The following RHOBTB1 variants were observed in gnomAD, a reference collection of about 807,000 sequenced individuals.
The protein encoded by RHOBTB1 is rho-related BTB domain-containing protein 1.
In RHOBTB1, 40 loss-of-function variants were observed where a neutral mutation model predicts 71.6. That is an observed-to-expected ratio of 0.56 (90% CI 0.43 to 0.73). The LOEUF (loss-of-function observed/expected upper bound fraction) is 0.73. RHOBTB1 is among the 30% of genes least tolerant of loss of function. The pLI, the probability that RHOBTB1 is intolerant of heterozygous loss-of-function variation, is 0.00. For missense variants in RHOBTB1, 797 were observed against 894.0 expected (o/e 0.89, Z 1.38); for synonymous variants, 319 against 334.9 (o/e 0.95, Z 0.52).
intron 2 of RHOBTB1, among the ~76,000 whole-genome samples, chr10:60,982,433 C>G (rs1421467490): frequency 6.6e-6 from 1 of 152,136 alleles, no homozygotes; most frequent in African/African-American, 2.4e-5. Flanking sequence ...AGGCATTGTG[C>G]TCATTGCATA....
chr10:60,992,373 C>G (rs1344036690), intron 1 of RHOBTB1, among the ~76,000 whole-genome samples: 3 of 152,062 alleles, frequency 2.0e-5, no homozygotes, highest in Non-Finnish European at 4.4e-5. Flanking sequence ...ATTTTCGCTA[C>G]TGTATATATT....
chr10:60,969,439 G>A (rs1016400776), intron 2 of RHOBTB1, among the ~76,000 whole-genome samples: 2 of 152,042 alleles, frequency 1.3e-5, no homozygotes, highest in African/African-American at 4.8e-5. Context: ...GTATGTTCAG[G>A]GGAAAGTGAG....
Position 60,943,190 on chromosome 10 carries a change from T to G in RHOBTB1, c.-62+781A>C, listed in dbSNP as rs1350762826. 3.9e-5 allele frequency among the ~76,000 whole-genome samples: 6 copies of G among 152,366 alleles called. No homozygotes were observed. In the East Asian group the frequency reaches 1.2e-3, roughly 29 times the overall value. The stretch of plus-strand genomic sequence containing the variant: ...TCAAAACCCTGTGCTTGGCGCTCCC[T>G]TCTAACTTTCTGGCTTGTCCAAGTC... On this transcript the variant is annotated intron_variant, in intron 1 of 10. Coordinates refer to ENST00000337910, the MANE Select transcript of RHOBTB1 (RefSeq NM_014836.5).
intron 4 of RHOBTB1, among the ~76,000 whole-genome samples, chr10:60,900,041 C>T (rs2133050985): frequency 6.6e-6 from 1 of 152,232 alleles, no homozygotes; most frequent in Non-Finnish European, 1.5e-5. Context: ...TAGGAGCCTG[C>T]CTGTGGTGCC....
intron 1 of RHOBTB1, among the ~76,000 whole-genome samples, chr10:60,990,141 C>T (rs746882691): frequency 1.3e-5 from 2 of 151,986 alleles, no homozygotes; most frequent in Admixed American, 6.5e-5. Context: ...CGCCACCACG[C>T]CTGGATAATT....
chr10:60,969,369 C>T (rs2086076267), intron 2 of RHOBTB1, among the ~76,000 whole-genome samples: 1 of 152,074 alleles, frequency 6.6e-6, no homozygotes, highest in African/African-American at 2.4e-5. Flanking sequence ...TGAGCTGTTG[C>T]TAATTGTGCT....
intron 2 of RHOBTB1, among the ~76,000 whole-genome samples, chr10:60,926,621 G>GA (rs969972047): frequency 6.6e-6 from 1 of 151,954 alleles, no homozygotes; most frequent in Non-Finnish European, 1.5e-5. Flanking sequence ...CAGAATGAAG[G>GA]AAAAAAACAA....
intron 2 of RHOBTB1, among the ~76,000 whole-genome samples, chr10:60,984,848 C>T (rs752980682): frequency 1.3e-5 from 2 of 152,112 alleles, no homozygotes; most frequent in Non-Finnish European, 2.9e-5. Flanking sequence ...ATTTTAGACA[C>T]AGAATAAACA....
chr10:60,943,003 G>C (rs753537522), intron 1 of RHOBTB1, among the ~76,000 whole-genome samples: 2 of 152,142 alleles, frequency 1.3e-5, no homozygotes, highest in Non-Finnish European at 2.9e-5. Flanking sequence ...GCACAGGATG[G>C]GGAAGTTCAA....
chr10:60,959,750 A>G (rs2085717053), intron 2 of RHOBTB1, among the ~76,000 whole-genome samples: 1 of 152,166 alleles, frequency 6.6e-6, no homozygotes, highest in South Asian at 2.1e-4. Flanking sequence ...CTAAAAAATA[A>G]CTAGATGGGA....
At chr10:60,902,005 A>G (rs184630566) in intron 4 of RHOBTB1, among the ~76,000 whole-genome samples, 149 of 152,286 alleles carry the variant, frequency 9.8e-4, no homozygotes, top group Non-Finnish European at 1.9e-3. Flanking sequence ...CCAGGCATCA[A>G]TCAAGCCCTG....
intron 2 of RHOBTB1, among the ~76,000 whole-genome samples, chr10:60,952,777 T>C (rs2085458571): frequency 1.3e-5 from 2 of 152,128 alleles, no homozygotes; most frequent in Admixed American, 6.6e-5. Context: ...GTATTTTATA[T>C]ATCCAAAGTT....
intron 1 of RHOBTB1, among the ~76,000 whole-genome samples, chr10:60,993,285 T>A (rs1274052794): frequency 6.6e-6 from 1 of 152,156 alleles, no homozygotes; most frequent in Non-Finnish European, 1.5e-5. Flanking sequence ...ACGTTCAAAG[T>A]GCTAGTCATT....
intron 2 of RHOBTB1, among the ~76,000 whole-genome samples, chr10:60,971,667 A>C (rs1181308838): frequency 6.6e-6 from 1 of 152,188 alleles, no homozygotes; most frequent in Non-Finnish European, 1.5e-5. Context: ...ACCAAAAGCA[A>C]TGGCAACAAA....
At chr10:60,966,672 G>C (rs1193571904) in intron 2 of RHOBTB1, among the ~76,000 whole-genome samples, 5 of 150,230 alleles carry the variant, frequency 3.3e-5, no homozygotes, top group Non-Finnish European at 5.9e-5. Context: ...TTTTTTTTTG[G>C]TTCTTTTTTT....
In RHOBTB1 at chr10:60,869,740, C is replaced by G. The variant is rs759193323; in HGVS notation, c.*1742G>C. Reference sequence around the variant, plus strand: ...ATGTCAATTCTTCCACATCTTGTCTCCTTTCTCCTTCCATCGATAAGATTT... The same window carrying G: ...ATGTCAATTCTTCCACATCTTGTCTGCTTTCTCCTTCCATCGATAAGATTT... On this transcript the variant is annotated 3_prime_UTR_variant, in exon 11 of 11. Transcript: ENST00000337910. 4 of 152,536 alleles carry G rather than the reference C, an allele frequency of 2.6e-5. No individual in the cohort carries two copies. Among genetic ancestry groups the G allele is most frequent in the Non-Finnish European group, 5.9e-5 (4 of 68,022 alleles). The allele number at this position is 152,536 out of a possible 1,614,324, so 9.4% of individuals were successfully genotyped here.
intron 2 of RHOBTB1, among the ~76,000 whole-genome samples, chr10:60,963,618 T>C (rs187637528): frequency 2.6e-5 from 4 of 152,240 alleles, no homozygotes; most frequent in East Asian, 3.9e-4. Context: ...TGTGTTCCAT[T>C]GGAACAGGAA....
At chr10:60,958,453 A>C (rs565400996) in intron 2 of RHOBTB1, among the ~76,000 whole-genome samples, 20 of 152,300 alleles carry the variant, frequency 1.3e-4, no homozygotes, top group African/African-American at 4.8e-4. Flanking sequence ...AGTAGGAATA[A>C]ATGGATCTAT....
intron 7 of RHOBTB1, among the ~76,000 whole-genome samples, chr10:60,882,113 T>C (rs1367357163): frequency 1.3e-5 from 2 of 152,002 alleles, no homozygotes; most frequent in Admixed American, 6.6e-5. Context: ...CCTTTATTTA[T>C]AGCACTTTAA....
Sources: gnomAD v4.1 joint callset for allele counts (sites outside exome capture counted in the v4.1 genomes callset) on GRCh38, gnomAD v4.1.1 for gene constraint, MANE v1.5 for transcripts, NCBI Gene and HGNC (gene_info 2026-07-23, HGNC 2026-07-21) for gene names.